PACRG: variants seen among roughly 807,000 people sequenced by gnomAD.
PACRG encodes the protein parkin coregulated, also known as parkin coregulated gene protein.
In PACRG, 29 loss-of-function variants were observed where a neutral mutation model predicts 29.7. The observed-to-expected ratio is 0.98, with a 90% confidence interval of 0.73 to 1.33. PACRG has a LOEUF of 1.33. PACRG is among the 40% of genes most tolerant of loss of function. The probability of loss-of-function intolerance (pLI) is 0.00; values close to 1 mark genes in which losing one functional copy is unlikely to be tolerated. For missense variants in PACRG, 279 were observed against 316.2 expected (o/e 0.88, Z 0.89); for synonymous variants, 116 against 118.7 (o/e 0.98, Z 0.15).
At chr6:163,255,686 G>T (rs539692226) in intron 4 of PACRG, among the ~76,000 whole-genome samples, 1 of 152,118 alleles carries the variant, frequency 6.6e-6, no homozygotes, top group African/African-American at 2.4e-5. Context: ...ACCCAGGCTG[G>T]AGTGCAATGG....
rs984592245 is a variant in PACRG, at chr6:162,841,383, A to G, written c.291+27102A>G. On this transcript the variant is annotated intron_variant, in intron 2 of 4. Transcript: ENST00000366888. ...TCTAGATTATCTAGTTTATTTGCATAGAGGTGTTTGTAGTATTCTCTGATG... is the reference window on the plus strand; with the variant it reads ...TCTAGATTATCTAGTTTATTTGCATGGAGGTGTTTGTAGTATTCTCTGATG... Among the ~76,000 whole-genome samples the G allele has an allele frequency of 1.1e-4, 16 of 151,942 alleles. No homozygotes were observed. In the East Asian group the frequency reaches 1.2e-3, roughly 11 times the overall value.
intron 1 of PACRG, among the ~76,000 whole-genome samples, chr6:162,733,461 A>G (rs1167942538): frequency 6.6e-6 from 1 of 152,108 alleles, no homozygotes; most frequent in Non-Finnish European, 1.5e-5. Context: ...CTACTTTCTT[A>G]TTATAATTGT....
intron 4 of PACRG, among the ~76,000 whole-genome samples, chr6:163,283,947 C>T: frequency 6.6e-6 from 1 of 152,072 alleles, no homozygotes; most frequent in Middle Eastern, 3.2e-3. Flanking sequence ...AACCCCATCT[C>T]TACTAAAAAT....
At chr6:163,002,481 T>C (rs1804678479) in intron 2 of PACRG, among the ~76,000 whole-genome samples, 1 of 152,152 alleles carries the variant, frequency 6.6e-6, no homozygotes, top group Non-Finnish European at 1.5e-5. Flanking sequence ...AAACTATCTT[T>C]TTCAGGTTAA....
At chr6:162,956,274 C>T (rs1800027410) in intron 2 of PACRG, among the ~76,000 whole-genome samples, 1 of 152,122 alleles carries the variant, frequency 6.6e-6, no homozygotes, top group Non-Finnish European at 1.5e-5. Context: ...CATCAAGAGC[C>T]CCAAAAGGTG....
chr6:163,203,782 A>G (rs1216152655), intron 4 of PACRG, among the ~76,000 whole-genome samples: 3 of 152,374 alleles, frequency 2.0e-5, no homozygotes, highest in East Asian at 3.9e-4. Context: ...TACTTTTACA[A>G]TAAAATAAAG....
chr6:162,969,068 T>TAAAAAAAAAAAAAAA (rs1801308672), intron 2 of PACRG, among the ~76,000 whole-genome samples: 2 of 62,246 alleles, frequency 3.2e-5, no homozygotes, highest in African/African-American at 6.4e-5. Context: ...AAAAAAAAAG[T>TAAAAAAAAAAAAAAA]AACAGACTGG....
At chr6:162,896,898 A>G (rs1045906497) in intron 2 of PACRG, among the ~76,000 whole-genome samples, 1 of 152,268 alleles carries the variant, frequency 6.6e-6, no homozygotes. Flanking sequence ...AAATAGAAGT[A>G]ATGAATAGGC....
intron 4 of PACRG, among the ~76,000 whole-genome samples, chr6:163,108,282 G>A (rs190449656): frequency 2.6e-5 from 4 of 151,892 alleles, no homozygotes; most frequent in East Asian, 1.9e-4. Context: ...CGTGTAGAAA[G>A]TGTCTGCTTG....
chr6:163,092,872 C>T (rs1814237839), intron 4 of PACRG, among the ~76,000 whole-genome samples: 1 of 152,152 alleles, frequency 6.6e-6, no homozygotes, highest in African/African-American at 2.4e-5. Context: ...TATGTAACAA[C>T]ACAACCAGGC....
intron 2 of PACRG, among the ~76,000 whole-genome samples, chr6:162,945,662 A>G (rs1798949403): frequency 6.6e-6 from 1 of 152,140 alleles, no homozygotes; most frequent in Non-Finnish European, 1.5e-5. Context: ...TTTGGTATTT[A>G]TAGAATATTT....
chr6:162,849,817 G>A (rs1208056724), intron 2 of PACRG, among the ~76,000 whole-genome samples: 1 of 152,154 alleles, frequency 6.6e-6, no homozygotes, highest in Admixed American at 6.5e-5. Flanking sequence ...CATGCTGTTT[G>A]CCATTTGACA....
At chr6:162,743,713 G>T (rs2128265949) in intron 1 of PACRG, among the ~76,000 whole-genome samples, 1 of 152,096 alleles carries the variant, frequency 6.6e-6, no homozygotes, top group Middle Eastern at 3.4e-3. Flanking sequence ...TTATTGAGAT[G>T]TAATTCATAT....
chr6:163,171,295 G>A lies in PACRG; in HGVS notation c.613+81887G>A, dbSNP rs565814612. 2.6e-5 allele frequency among the ~76,000 whole-genome samples: 4 copies of A among 152,292 alleles called. No individual in the cohort carries two copies. In the East Asian group the frequency reaches 7.7e-4, roughly 29 times the overall value. ...AAAAAAAAATCACAGATCAAAGGGG[G>A]AAGTCCCAAGAGAGCATCCCCACAT... On this transcript the variant is annotated intron_variant, in intron 4 of 4. Coordinates refer to ENST00000366888, the MANE Select transcript of PACRG (RefSeq NM_001080379.2).
At chr6:162,994,945 G>C (rs1228079267) in intron 2 of PACRG, among the ~76,000 whole-genome samples, 1 of 149,064 alleles carries the variant, frequency 6.7e-6, no homozygotes, top group East Asian at 2.0e-4. Context: ...CTGTTTGTTA[G>C]TTTTCCTTCT....
rs1799707059 is a variant in PACRG at position 162,952,243 on chromosome 6, C to A, written c.292-109907C>A. Reference sequence around the variant, plus strand: ...TAAAGGAAAAATGGAACTTTAAAAACATTACACAGCACACTATTGTAGGTC... The same window carrying A: ...TAAAGGAAAAATGGAACTTTAAAAAAATTACACAGCACACTATTGTAGGTC... On this transcript the variant is annotated intron_variant, in intron 2 of 4. Transcript: ENST00000366888. Among the ~76,000 whole-genome samples the A allele has an allele frequency of 2.0e-5, 3 of 152,170 alleles. No homozygotes were observed. The South Asian group carries it at 6.2e-4, about 31-fold the overall frequency.
intron 2 of PACRG, among the ~76,000 whole-genome samples, chr6:163,010,111 C>T (rs1805472756): frequency 6.8e-6 from 1 of 147,838 alleles, no homozygotes; most frequent in Admixed American, 6.8e-5. Context: ...ATTCCCTTAG[C>T]AACATGCTAC....
At chr6:162,739,180 A>G (rs945983369) in intron 1 of PACRG, among the ~76,000 whole-genome samples, 5 of 152,202 alleles carry the variant, frequency 3.3e-5, no homozygotes, top group Non-Finnish European at 7.3e-5. Context: ...TTGGTATCAG[A>G]CTAAAATTGT....
At chr6:163,234,501 C>A (rs114963675) in intron 4 of PACRG, among the ~76,000 whole-genome samples, 1,834 of 152,246 alleles carry the variant, frequency 0.012, 44 homozygotes, top group African/African-American at 0.041. Flanking sequence ...TGCCATGTTT[C>A]TTGTATGGCC....
Sources: allele counts gnomAD v4.1 joint callset (sites outside exome capture counted in the v4.1 genomes callset), GRCh38; gene constraint gnomAD v4.1.1; transcripts MANE v1.5; gene names NCBI Gene and HGNC (gene_info 2026-07-23, HGNC 2026-07-21).